CCDC171: variants seen among roughly 807,000 people sequenced by gnomAD.
The protein encoded by CCDC171 is coiled-coil domain containing 171, also known as coiled-coil domain-containing protein 171.
Under a neutral mutation model 168.2 loss-of-function variants are expected in CCDC171, and 177 were observed. The ratio of observed to expected loss-of-function variants is 1.05; its 90% CI spans 0.93 to 1.19. The LOEUF is 1.19. CCDC171 is among the 50% of genes most tolerant of loss of function. The pLI is 0.00. For synonymous variants in CCDC171, 687 were observed against 540.8 expected (o/e 1.27, Z -3.75); for missense variants, 1,991 against 1,539.0 (o/e 1.29, Z -4.91).
At chr9:15,695,607 A>T (rs1332662389) in intron 11 of CCDC171, among the ~76,000 whole-genome samples, 2 of 152,164 alleles carry the variant, frequency 1.3e-5, no homozygotes, top group Non-Finnish European at 2.9e-5. Flanking sequence ...CTGTGTTCTG[A>T]ATCCAACTGA....
chr9:15,685,935 C>T (rs1270895188), intron 10 of CCDC171, among the ~76,000 whole-genome samples: 7 of 152,016 alleles, frequency 4.6e-5, no homozygotes, highest in Non-Finnish European at 1.0e-4. Context: ...ACATTAGCTT[C>T]TTTTTAAGCC....
chr9:15,800,903 G>T (rs995445055), intron 21 of CCDC171, among the ~76,000 whole-genome samples: 1 of 152,006 alleles, frequency 6.6e-6, no homozygotes, highest in Non-Finnish European at 1.5e-5. Flanking sequence ...TAGCACCTTT[G>T]TCAAAAATGA....
At chr9:15,809,500 G>A (rs1332683956) in intron 21 of CCDC171, among the ~76,000 whole-genome samples, 1 of 152,056 alleles carries the variant, frequency 6.6e-6, no homozygotes, top group Non-Finnish European at 1.5e-5. Context: ...TCTGATGTTT[G>A]GACGTGTTTG....
At chr9:15,831,131 G>A (rs1259097473) in intron 21 of CCDC171, among the ~76,000 whole-genome samples, 3 of 151,810 alleles carry the variant, frequency 2.0e-5, no homozygotes, top group East Asian at 3.9e-4. Context: ...CACCATGCCC[G>A]GCTAATTTTT....
rs545045624 is a variant in CCDC171 at position 16,014,812 on chromosome 9, C to G, written n.369-5777C>G. Among the ~76,000 whole-genome samples, 5 of 152,152 alleles carry G rather than the reference C, an allele frequency of 3.3e-5. No individual in the cohort carries two copies. In the East Asian group the frequency reaches 9.7e-4, roughly 29 times the overall value. On this transcript the variant is annotated intron_variant and non_coding_transcript_variant, in intron 3 of 9. Coordinates refer to the CCDC171 transcript ENST00000486641. ...ACAATAGGCTTAAATATTCGGTAAA[C>G]CATGCTATAAACAGGCTTTGTTATT...
At chr9:15,574,038 C>G (rs1007068363) in intron 3 of CCDC171, among the ~76,000 whole-genome samples, 1 of 152,050 alleles carries the variant, frequency 6.6e-6, no homozygotes, top group African/African-American at 2.4e-5. Flanking sequence ...TAGAAATTAT[C>G]TTAGGGAAGG....
chr9:15,633,174 G>A (rs2045889144), intron 7 of CCDC171, among the ~76,000 whole-genome samples: 1 of 152,134 alleles, frequency 6.6e-6, no homozygotes, highest in East Asian at 1.9e-4. Context: ...TGACAAATGG[G>A]ATCTAATTAA....
chr9:15,585,622 A>G (rs2041495876), intron 4 of CCDC171, among the ~76,000 whole-genome samples: 2 of 152,182 alleles, frequency 1.3e-5, no homozygotes, highest in African/African-American at 2.4e-5. Context: ...GTATGAGGGT[A>G]CTTTTTGGGT....
chr9:15,751,538 C>T (rs959296579), intron 18 of CCDC171, among the ~76,000 whole-genome samples: 2 of 152,168 alleles, frequency 1.3e-5, no homozygotes, highest in African/African-American at 2.4e-5. Context: ...ATCAAAACAG[C>T]ATGGTACTGG....
At chr9:16,012,188 G>A (rs1358882360) in intron 3 of CCDC171, among the ~76,000 whole-genome samples, 1 of 152,150 alleles carries the variant, frequency 6.6e-6, no homozygotes, top group African/African-American at 2.4e-5. Context: ...TGTGTCTCAT[G>A]TGTGGCTCCT....
chr9:15,951,974 C>T (rs1829239470), intron 25 of CCDC171, among the ~76,000 whole-genome samples: 1 of 152,076 alleles, frequency 6.6e-6, no homozygotes, highest in African/African-American at 2.4e-5. Flanking sequence ...CCTGTGTTTT[C>T]TTCTAAAAAT....
At chr9:16,009,284 C>T (rs1051177618) in intron 3 of CCDC171, among the ~76,000 whole-genome samples, 1 of 152,126 alleles carries the variant, frequency 6.6e-6, no homozygotes, top group Non-Finnish European at 1.5e-5. Context: ...CTTCTGTCCG[C>T]TTGAAATAAC....
the CCDC171 span, among the ~76,000 whole-genome samples, chr9:16,075,731 A>G: frequency 7.4e-4 from 112 of 152,348 alleles, no homozygotes; most frequent in Non-Finnish European, 1.4e-3. Flanking sequence ...ATGCTCTGAA[A>G]AAAACAACTT....
At chr9:15,681,870 C>T (rs866277254) in intron 10 of CCDC171, among the ~76,000 whole-genome samples, 8 of 151,974 alleles carry the variant, frequency 5.3e-5, no homozygotes, top group South Asian at 2.1e-4. Flanking sequence ...CTTTTGGAAA[C>T]GAAATTGTTT....
At position 15,824,203 on chromosome 9, in the gene CCDC171, C is replaced by G. The variant is rs142659178; in HGVS notation, c.3268-22499C>G. ...GTTTATCTGTATAGACATCCACATA[C>G]TCAGTATATGTATATACATACACTC... On this transcript the variant is annotated intron_variant, in intron 21 of 25. Coordinates refer to ENST00000380701, the MANE Select transcript of CCDC171 (RefSeq NM_173550.4). Among the ~76,000 whole-genome samples, 6 of 152,026 alleles carry G rather than the reference C, an allele frequency of 3.9e-5. No homozygotes were observed. The East Asian group carries it at 7.7e-4, about 20-fold the overall frequency.
At chr9:16,097,236 T>C in the CCDC171 span, among the ~76,000 whole-genome samples, 2 of 149,610 alleles carry the variant, frequency 1.3e-5, no homozygotes, top group Non-Finnish European at 2.9e-5. Context: ...AGAATGCTTA[T>C]GGCATGTGGG....
chr9:15,649,494 A>G (rs529987318), intron 7 of CCDC171, among the ~76,000 whole-genome samples: 8 of 152,150 alleles, frequency 5.3e-5, no homozygotes, highest in Admixed American at 2.6e-4. Context: ...TTTGGAATCT[A>G]CTCATCTGAC....
At chr9:15,922,331 G>T in intron 25 of CCDC171, 1 of 180,736 alleles carries the variant, frequency 5.5e-6, no homozygotes, top group Non-Finnish European at 1.2e-5. Flanking sequence ...ATTTTTAAAA[G>T]ATATTTGTAT....
At chr9:15,718,508 C>G (rs1273205626) in intron 11 of CCDC171, among the ~76,000 whole-genome samples, 1 of 152,228 alleles carries the variant, frequency 6.6e-6, no homozygotes, top group Non-Finnish European at 1.5e-5. Context: ...ATGGTTACAG[C>G]AGGTCTTGGG....
Sources: gnomAD v4.1 joint callset for allele counts (sites outside exome capture counted in the v4.1 genomes callset) on GRCh38, gnomAD v4.1.1 for gene constraint, MANE v1.5 for transcripts, NCBI Gene and HGNC (gene_info 2026-07-23, HGNC 2026-07-21) for gene names.